C1QTNF3: variants seen among roughly 807,000 people sequenced by gnomAD.
The protein encoded by C1QTNF3 is complement C1q tumor necrosis factor-related protein 3.
In C1QTNF3, 26 loss-of-function variants were observed where a neutral mutation model predicts 32.6. The observed-to-expected ratio is 0.80, with a 90% CI of 0.58 to 1.11. The LOEUF (loss-of-function observed/expected upper bound fraction) is 1.11, where lower values mean the gene tolerates loss of function less well. C1QTNF3 is among the 50% of genes least tolerant of loss of function. C1QTNF3 has a pLI of 0.00. For synonymous variants in C1QTNF3, 155 were observed against 146.0 expected, an observed-to-expected ratio of 1.06 and a Z score of -0.44; for missense variants, 362 against 398.2, an observed-to-expected ratio of 0.91 and a Z score of 0.77.
At chr5:34,090,575 A>T in the C1QTNF3 span, among the ~76,000 whole-genome samples, 1 of 152,100 alleles carries the variant, frequency 6.6e-6, no homozygotes, top group Non-Finnish European at 1.5e-5. Flanking sequence ...TTGCTCTTCT[A>T]TTTTTTGTTT....
chr5:34,021,114 G>C (rs1754317161), intron 5 of C1QTNF3, among the ~76,000 whole-genome samples: 2 of 152,190 alleles, frequency 1.3e-5, no homozygotes, highest in Admixed American at 6.5e-5. Context: ...TATTATGTTT[G>C]AGCTATTCCA....
At chr5:34,167,313 TGCC>T in the C1QTNF3 span, 3 of 152,200 alleles carry the variant, frequency 2.0e-5, no homozygotes, top group East Asian at 5.8e-4. Flanking sequence ...CAGCTTTCTC[TGCC>T]TCACGTTTCA....
At chr5:34,098,771 T>C in the C1QTNF3 span, among the ~76,000 whole-genome samples, 1 of 152,104 alleles carries the variant, frequency 6.6e-6, no homozygotes, top group Non-Finnish European at 1.5e-5. Context: ...TCACTATTAC[T>C]TGGTTTATGT....
the C1QTNF3 span, among the ~76,000 whole-genome samples, chr5:34,204,313 T>A: frequency 6.6e-6 from 1 of 152,232 alleles, no homozygotes; most frequent in Non-Finnish European, 1.5e-5. Context: ...TCTGCACCCA[T>A]ATGTTTATCA....
chr5:34,209,087 G>T, the C1QTNF3 span, among the ~76,000 whole-genome samples: 2 of 152,132 alleles, frequency 1.3e-5, no homozygotes, highest in Admixed American at 6.6e-5. Flanking sequence ...AAAATTATCA[G>T]GTCCAAAAAT....
chr5:34,023,119 T>C (rs771666996), intron 5 of C1QTNF3, among the ~76,000 whole-genome samples: 7 of 152,184 alleles, frequency 4.6e-5, no homozygotes, highest in Non-Finnish European at 1.0e-4. Context: ...CCTCCCAAAG[T>C]GCTGGGATTA....
the C1QTNF3 span, among the ~76,000 whole-genome samples, chr5:34,145,927 A>T: frequency 2.6e-5 from 4 of 151,894 alleles, no homozygotes; most frequent in African/African-American, 4.8e-5. Flanking sequence ...CAACAGATAT[A>T]AAAAAAAGAC....
At chr5:34,229,297 A>C in the C1QTNF3 span, among the ~76,000 whole-genome samples, 1 of 152,024 alleles carries the variant, frequency 6.6e-6, no homozygotes, top group South Asian at 2.1e-4. Context: ...CTCTTCCTCT[A>C]TGTGATAAGG....
At chr5:34,195,114 A>T in the C1QTNF3 span, among the ~76,000 whole-genome samples, 6 of 150,862 alleles carry the variant, frequency 4.0e-5, no homozygotes, top group South Asian at 4.1e-4. Flanking sequence ...TAGATTTTGA[A>T]TTTTCTCCCT....
chr5:34,027,547 A>C (rs1754494945), intron 4 of C1QTNF3, among the ~76,000 whole-genome samples: 1 of 151,962 alleles, frequency 6.6e-6, no homozygotes, highest in South Asian at 2.1e-4. Flanking sequence ...AAACTACAAA[A>C]ATTAGCCAGG....
Position 34,035,774 on chromosome 5 carries a change from GA to G in C1QTNF3, c.304-17del. On this transcript the variant is annotated splice_polypyrimidine_tract_variant and intron_variant, in intron 1 of 5. Transcript: ENST00000382065. ...TTTGTGGAGACTAAAAAGACAGAAAGAGAAGCTTCAGAAAAAAAGGTACTTG... is the reference window on the plus strand; with the variant it reads ...TTTGTGGAGACTAAAAAGACAGAAAGGAAGCTTCAGAAAAAAAGGTACTTG... 6.3e-7 allele frequency: 1 copy of G among 1,592,572 alleles called. No homozygotes were observed. Among genetic ancestry groups the G allele is most frequent in the Non-Finnish European group, 8.6e-7 (1 of 1,163,738 alleles).
At chr5:34,164,208 CTGAAG>C in the C1QTNF3 span, among the ~76,000 whole-genome samples, 21 of 152,112 alleles carry the variant, frequency 1.4e-4, no homozygotes, top group Admixed American at 9.8e-4. Context: ...CTCCAGAGTC[CTGAAG>C]GGGTAATCAG....
At chr5:34,162,625 TTATG>T in the C1QTNF3 span, among the ~76,000 whole-genome samples, 5 of 152,162 alleles carry the variant, frequency 3.3e-5, no homozygotes, top group Non-Finnish European at 2.9e-5. Flanking sequence ...CAAGTTCTCT[TTATG>T]TATCAGTGAA....
chr5:34,042,656 C>T (rs1754899360), intron 1 of C1QTNF3, among the ~76,000 whole-genome samples, 167 bp downstream of exon 1: 1 of 152,218 alleles, frequency 6.6e-6, no homozygotes, highest in South Asian at 2.1e-4. Context: ...GACAGTCTCT[C>T]TTGTACCCAA....
intron 4 of C1QTNF3, among the ~76,000 whole-genome samples, chr5:34,027,481 T>C (rs1754493576): frequency 6.6e-6 from 1 of 152,100 alleles, no homozygotes; most frequent in Non-Finnish European, 1.5e-5. Flanking sequence ...GGTGGATCAC[T>C]TCAGGCCAGG....
chr5:34,226,704 C>T, the C1QTNF3 span, among the ~76,000 whole-genome samples: 1 of 151,738 alleles, frequency 6.6e-6, no homozygotes, highest in Non-Finnish European at 1.5e-5. Context: ...TTGGACTCCC[C>T]AAAACTAAAC....
the C1QTNF3 span, among the ~76,000 whole-genome samples, chr5:34,138,496 TG>T: frequency 1.3e-5 from 2 of 152,112 alleles, no homozygotes; most frequent in African/African-American, 2.4e-5. Context: ...TTTGAGTATT[TG>T]TTTTTTTTTA....
the C1QTNF3 span, among the ~76,000 whole-genome samples, chr5:34,242,398 C>T: frequency 2.0e-5 from 3 of 152,118 alleles, no homozygotes; most frequent in African/African-American, 7.2e-5. Context: ...CCAACAAAAA[C>T]AAACAATGGG....
the C1QTNF3 span, among the ~76,000 whole-genome samples, chr5:34,117,022 T>C: frequency 6.6e-6 from 1 of 152,246 alleles, no homozygotes; most frequent in Middle Eastern, 3.4e-3. Context: ...TGTAAACATA[T>C]AGCTGGATAT....
Sources: allele counts gnomAD v4.1 joint callset (sites outside exome capture counted in the v4.1 genomes callset), GRCh38; gene constraint gnomAD v4.1.1; transcripts MANE v1.5; gene names NCBI Gene and HGNC (gene_info 2026-07-23, HGNC 2026-07-21).